The following NUBPL variants were observed in gnomAD, a reference collection of about 807,000 sequenced individuals.
The protein encoded by NUBPL is iron-sulfur cluster transfer protein NUBPL.
A neutral mutation model predicts 45.7 loss-of-function variants in NUBPL; 31 were observed. That is an observed-to-expected ratio of 0.68 (90% CI 0.51 to 0.92). The LOEUF (loss-of-function observed/expected upper bound fraction) is 0.92. Among genes scored for constraint, NUBPL ranks in the 40% least tolerant of loss-of-function variants. The pLI, the probability that NUBPL is intolerant of heterozygous loss-of-function variation, is 0.00. For synonymous variants in NUBPL, 144 were observed against 140.9 expected (o/e 1.02, Z -0.15); for missense variants, 401 against 398.7 (o/e 1.01, Z -0.05).
At chr14:31,643,010 G>T (rs1313330118) in intron 4 of NUBPL, among the ~76,000 whole-genome samples, 2 of 151,982 alleles carry the variant, frequency 1.3e-5, no homozygotes, top group Admixed American at 1.3e-4. Flanking sequence ...ATTTTGTGTA[G>T]TGCAACTTTA....
At chr14:31,566,533 CT>C (rs796134887) in intron 3 of NUBPL, among the ~76,000 whole-genome samples, 4 of 151,480 alleles carry the variant, frequency 2.6e-5, no homozygotes, top group African/African-American at 7.3e-5. Flanking sequence ...TTCTTGAATT[CT>C]TTTTTTTGTT....
At chr14:31,640,768 A>G (rs2035670482) in intron 4 of NUBPL, among the ~76,000 whole-genome samples, 1 of 152,180 alleles carries the variant, frequency 6.6e-6, no homozygotes, top group South Asian at 2.1e-4. Flanking sequence ...TTAATTTGAT[A>G]CACTCATGTA....
At chr14:31,761,850 A>G (rs2038817085) in intron 6 of NUBPL, among the ~76,000 whole-genome samples, 1 of 152,174 alleles carries the variant, frequency 6.6e-6, no homozygotes, top group African/African-American at 2.4e-5. Flanking sequence ...TTGGATATAT[A>G]GTTTCTGTGT....
chr14:31,816,322 G>T (rs954352303), intron 7 of NUBPL, among the ~76,000 whole-genome samples: 11 of 152,154 alleles, frequency 7.2e-5, no homozygotes, highest in Admixed American at 6.6e-4. Context: ...TTGCATAGAG[G>T]TGTTTATAGT....
intron 6 of NUBPL, among the ~76,000 whole-genome samples, chr14:31,709,098 A>G (rs2037515468): frequency 6.6e-6 from 1 of 151,916 alleles, no homozygotes; most frequent in Non-Finnish European, 1.5e-5. Context: ...TAGAATACTG[A>G]GGTTGCCAGG....
At chr14:31,669,150 A>G (rs1048941187) in intron 4 of NUBPL, among the ~76,000 whole-genome samples, 6 of 152,138 alleles carry the variant, frequency 3.9e-5, no homozygotes, top group Non-Finnish European at 7.4e-5. Flanking sequence ...GGCATGCACC[A>G]CTGTGCCTGG....
chr14:31,793,853 A>ATT (rs1304620329), intron 7 of NUBPL, among the ~76,000 whole-genome samples: 2 of 69,628 alleles, frequency 2.9e-5, no homozygotes, highest in African/African-American at 2.3e-4. Flanking sequence ...TTTTTTTTTT[A>ATT]TTTTTTCCCA....
intron 6 of NUBPL, among the ~76,000 whole-genome samples, chr14:31,757,860 C>G (rs1324024454): frequency 6.6e-6 from 1 of 152,078 alleles, no homozygotes; most frequent in East Asian, 1.9e-4. Flanking sequence ...CTCATCTCTA[C>G]CATGCTTACC....
At chr14:31,807,828 G>A (rs1240397249) in intron 7 of NUBPL, among the ~76,000 whole-genome samples, 2 of 152,152 alleles carry the variant, frequency 1.3e-5, no homozygotes, top group Admixed American at 1.3e-4. Flanking sequence ...TCCAGTTTCA[G>A]CTTTGTACAT....
At chr14:31,853,617 T>G (rs2040573934) in intron 10 of NUBPL, among the ~76,000 whole-genome samples, 1 of 152,154 alleles carries the variant, frequency 6.6e-6, no homozygotes, top group African/African-American at 2.4e-5. Flanking sequence ...AGTGATTAAT[T>G]TAAAGATATG....
chr14:31,743,665 C>G (rs1454492829), intron 6 of NUBPL, among the ~76,000 whole-genome samples: 2 of 152,148 alleles, frequency 1.3e-5, no homozygotes, highest in Non-Finnish European at 2.9e-5. Flanking sequence ...GAGGAGTGAG[C>G]CACTGCGCTT....
chr14:31,739,286 T>C (rs1180027970), intron 6 of NUBPL, among the ~76,000 whole-genome samples: 2 of 139,432 alleles, frequency 1.4e-5, no homozygotes, highest in East Asian at 3.9e-4. Context: ...GGTTTCACCA[T>C]GTTGGCCAGG....
chr14:31,695,678 T>C (rs1197595789), intron 6 of NUBPL, among the ~76,000 whole-genome samples: 2 of 152,214 alleles, frequency 1.3e-5, no homozygotes, highest in Non-Finnish European at 1.5e-5. Context: ...CCTTTCTTAA[T>C]GGAATCATGC....
intron 4 of NUBPL, among the ~76,000 whole-genome samples, chr14:31,627,728 T>C (rs904858350): frequency 6.9e-6 from 1 of 144,382 alleles, no homozygotes; most frequent in African/African-American, 2.6e-5. Flanking sequence ...ATCGTGCCAC[T>C]GCACTCCAGC....
intron 10 of NUBPL, among the ~76,000 whole-genome samples, chr14:31,855,027 A>G (rs1285510386): frequency 1.3e-5 from 2 of 152,214 alleles, no homozygotes; most frequent in Non-Finnish European, 2.9e-5. Context: ...GAAAGGTTAA[A>G]TGTAGCCAAT....
intron 4 of NUBPL, among the ~76,000 whole-genome samples, chr14:31,626,024 G>C (rs2035196066): frequency 6.6e-6 from 1 of 151,980 alleles, no homozygotes; most frequent in South Asian, 2.1e-4. Context: ...TTTTAATTTT[G>C]ATTAAAAAAC....
chr14:31,810,316 A>G (rs61987572), intron 7 of NUBPL, among the ~76,000 whole-genome samples: 9,592 of 152,186 alleles, frequency 0.063, 414 homozygotes, highest in Non-Finnish European at 0.092. Context: ...TTGGGTGCAT[A>G]TATATTTAGA....
At chr14:31,812,777 A>T (rs1474839187) in intron 7 of NUBPL, among the ~76,000 whole-genome samples, 1 of 152,082 alleles carries the variant, frequency 6.6e-6, no homozygotes, top group Admixed American at 6.6e-5. Context: ...CAAGGGTTTT[A>T]TCTTAACTTT....
chr14:31,631,957 T>C lies in NUBPL; in HGVS notation c.382+32578T>C, dbSNP rs187082683. On this transcript the variant is annotated intron_variant, in intron 4 of 10. Transcript: ENST00000281081. ...CCCAAAGTGACATAAAAATTAATCA[T>C]CATACTCCTCAAACTCTTAGGGTTG... Among the ~76,000 whole-genome samples, 21 of 152,256 alleles carry C rather than the reference T, an allele frequency of 1.4e-4. 1 individual carries two copies. The highest frequency in any genetic ancestry group is 1.4e-3 in the Admixed American group (21 of 15,288).
Sources: gnomAD v4.1 joint callset for allele counts (sites outside exome capture counted in the v4.1 genomes callset) on GRCh38, gnomAD v4.1.1 for gene constraint, MANE v1.5 for transcripts, NCBI Gene and HGNC (gene_info 2026-07-23, HGNC 2026-07-21) for gene names.